Variants in CA10 observed in about 807,000 individuals in gnomAD.
CA10 encodes the protein carbonic anhydrase-related protein 10.
In CA10, 14 loss-of-function variants were observed where a neutral mutation model predicts 44.2. The ratio of observed to expected loss-of-function variants is 0.32; its 90% confidence interval spans 0.21 to 0.50. The LOEUF (loss-of-function observed/expected upper bound fraction) is 0.50, where lower values mean the gene tolerates loss of function less well. CA10 is among the 20% of genes least tolerant of loss of function. The pLI, the probability that CA10 is intolerant of heterozygous loss-of-function variation, is 0.99. For missense variants in CA10, 350 were observed against 409.7 expected (o/e 0.85, Z 1.26); for synonymous variants, 159 against 141.6 (o/e 1.12, Z -0.87).
intron 3 of CA10, among the ~76,000 whole-genome samples, chr17:51,891,375 A>T (rs1980849093): frequency 1.3e-5 from 2 of 152,370 alleles, no homozygotes; most frequent in East Asian, 1.9e-4. Context: ...AGCACCACTC[A>T]GGCAACATGA....
chr17:51,773,718 G>A (rs1206216889), intron 3 of CA10, among the ~76,000 whole-genome samples: 2 of 152,236 alleles, frequency 1.3e-5, no homozygotes, highest in Non-Finnish European at 2.9e-5. Flanking sequence ...ATACAACTTC[G>A]ATGAACTGTA....
chr17:51,853,840 G>A (rs532774607), intron 3 of CA10, among the ~76,000 whole-genome samples: 68 of 152,204 alleles, frequency 4.5e-4, no homozygotes, highest in African/African-American at 1.5e-3. Context: ...GCTGCCTTGC[G>A]AAGAAGGTGT....
intron 2 of CA10, among the ~76,000 whole-genome samples, chr17:52,019,669 C>T (rs895157584): frequency 2.0e-5 from 3 of 151,826 alleles, no homozygotes; most frequent in African/African-American, 4.8e-5. Context: ...ATGTGTTTGC[C>T]ACCAAAAATC....
intron 4 of CA10, among the ~76,000 whole-genome samples, chr17:51,690,863 A>G (rs1915171689): frequency 6.6e-6 from 1 of 152,166 alleles, no homozygotes; most frequent in Non-Finnish European, 1.5e-5. Context: ...TTCACTTAGC[A>G]TGTCTTCCAG....
intron 2 of CA10, among the ~76,000 whole-genome samples, chr17:51,943,334 G>C (rs1387199531): frequency 6.6e-6 from 1 of 152,188 alleles, no homozygotes; most frequent in Non-Finnish European, 1.5e-5. Context: ...CTAAATAGAT[G>C]CAAGTTCTTC....
chr17:52,072,913 G>A (rs116469128), intron 1 of CA10, among the ~76,000 whole-genome samples: 1 of 152,258 alleles, frequency 6.6e-6, no homozygotes, highest in African/African-American at 2.4e-5. Context: ...TGTGGTGGAG[G>A]TTTTTGACAT....
chr17:51,963,516 G>T (rs1567902229), intron 2 of CA10, among the ~76,000 whole-genome samples: 1 of 152,132 alleles, frequency 6.6e-6, no homozygotes, highest in Non-Finnish European at 1.5e-5. Context: ...GGTAGCTAGA[G>T]AAAAAGATCA....
intron 3 of CA10, among the ~76,000 whole-genome samples, chr17:51,797,672 G>T (rs1906766189): frequency 6.6e-6 from 1 of 151,948 alleles, no homozygotes; most frequent in South Asian, 2.1e-4. Flanking sequence ...TGACCAACAT[G>T]GTGAAACCCC....
At chr17:51,639,318 G>A (rs1912978360) in intron 6 of CA10, among the ~76,000 whole-genome samples, 1 of 152,128 alleles carries the variant, frequency 6.6e-6, no homozygotes, top group Non-Finnish European at 1.5e-5. Context: ...GGGGAGGAGT[G>A]AAGGGGGAAG....
intron 1 of CA10, among the ~76,000 whole-genome samples, chr17:52,137,278 G>A (rs1989380492): frequency 6.6e-6 from 1 of 152,040 alleles, no homozygotes; most frequent in African/African-American, 2.4e-5. Flanking sequence ...AGAATGGGGA[G>A]AACAACTATC....
chr17:52,029,191 C>T (rs1986389717), intron 2 of CA10, among the ~76,000 whole-genome samples: 1 of 152,164 alleles, frequency 6.6e-6, no homozygotes, highest in South Asian at 2.1e-4. Context: ...ATCTTGCCTT[C>T]TCTCACATCT....
intron 3 of CA10, among the ~76,000 whole-genome samples, chr17:51,915,076 G>A (rs2143958691): frequency 6.6e-6 from 1 of 151,996 alleles, no homozygotes; most frequent in Non-Finnish European, 1.5e-5. Context: ...ACTGCTTTCT[G>A]TATATTACAT....
At chr17:51,648,610 A>G (rs557813230) in intron 6 of CA10, among the ~76,000 whole-genome samples, 38 of 152,244 alleles carry the variant, frequency 2.5e-4, no homozygotes, top group African/African-American at 9.1e-4. Flanking sequence ...TCCTCCTTCA[A>G]CTTTGCACTG....
At chr17:51,690,503 CT>C (rs1259864440) in intron 4 of CA10, among the ~76,000 whole-genome samples, 1 of 152,190 alleles carries the variant, frequency 6.6e-6, no homozygotes, top group Non-Finnish European at 1.5e-5. Flanking sequence ...TATCGCTCCC[CT>C]ATTCCCCATG....
intron 1 of CA10, among the ~76,000 whole-genome samples, chr17:52,133,134 C>G (rs1989277838): frequency 6.6e-6 from 1 of 152,182 alleles, no homozygotes; most frequent in African/African-American, 2.4e-5. Flanking sequence ...AGCAAGCAAT[C>G]TGGTACCATG....
At chr17:51,649,468 T>C (rs1390635521) in intron 5 of CA10, among the ~76,000 whole-genome samples, 1 of 152,184 alleles carries the variant, frequency 6.6e-6, no homozygotes, top group African/African-American at 2.4e-5. Context: ...ACTGTTCTCA[T>C]ATAGTGTGAA....
At chr17:51,706,221 T>C (rs8082081) in intron 4 of CA10, among the ~76,000 whole-genome samples, 8,936 of 152,268 alleles carry the variant, frequency 0.059, 464 homozygotes, top group African/African-American at 0.12. Flanking sequence ...CACTCAGTGC[T>C]CTTAAGTGAA....
intron 2 of CA10, among the ~76,000 whole-genome samples, chr17:51,993,490 A>G (rs1046449348): frequency 1.3e-5 from 2 of 152,012 alleles, no homozygotes; most frequent in South Asian, 2.1e-4. Flanking sequence ...GAGAACTGAT[A>G]TAGTTATTTA....
At chr17:51,668,171 C>T (rs765657912) in intron 4 of CA10, among the ~76,000 whole-genome samples, 12 of 152,154 alleles carry the variant, frequency 7.9e-5, no homozygotes, top group Non-Finnish European at 1.3e-4. Flanking sequence ...CTTGGGTAGC[C>T]GGAGTCTGAG....
Sources: gnomAD v4.1 joint callset for allele counts (sites outside exome capture counted in the v4.1 genomes callset) on GRCh38, gnomAD v4.1.1 for gene constraint, MANE v1.5 for transcripts, NCBI Gene and HGNC (gene_info 2026-07-23, HGNC 2026-07-21) for gene names.